The following VPS13C variants were observed in gnomAD, a reference collection of about 807,000 sequenced individuals.
VPS13C encodes vacuolar protein sorting 13 homolog C.
VPS13C carries 358 observed loss-of-function variants against 456.8 expected under a neutral mutation model. The observed-to-expected ratio is 0.78, with a 90% CI of 0.72 to 0.86. The LOEUF (loss-of-function observed/expected upper bound fraction) is 0.86. Ranked by LOEUF, VPS13C falls within the 40% of genes least tolerant of loss-of-function variation. The probability of loss-of-function intolerance (pLI) is 0.00; values close to 1 mark genes in which losing one functional copy is unlikely to be tolerated. For synonymous variants in VPS13C, 1,578 were observed against 1,486.7 expected (o/e 1.06, Z -1.41); for missense variants, 4,818 against 4,385.4 (o/e 1.10, Z -2.79).
Position 61,875,862 on chromosome 15 carries a change from A to C in VPS13C, c.10225-17T>G. The C allele has an allele frequency of 6.7e-7, 1 of 1,502,494 alleles. No individual in the cohort carries two copies. The highest frequency in any genetic ancestry group is 9.0e-7 in the Non-Finnish European group (1 of 1,109,944). The allele number at this position is 1,502,494 out of a possible 1,614,324, so 93.1% of individuals were successfully genotyped here. A position where few individuals can be genotyped will look rare whatever the true frequency, so the allele number is the denominator to read the frequency against. ...TTTCAAGAACTAAAAAAGAAAAAAA[A>C]TTAAATTAAGTCCTTCACAACTATT... On this transcript the variant is annotated splice_polypyrimidine_tract_variant and intron_variant, in intron 75 of 84. Transcript: ENST00000644861.
intron 22 of VPS13C, 95 bp downstream of exon 22, chr15:61,981,247 T>A: frequency 7.3e-7 from 1 of 1,363,044 alleles, no homozygotes; most frequent in Non-Finnish European, 9.8e-7. Context: ...TACATTTAGT[T>A]TAGTGAACTC....
Position 61,858,610 on chromosome 15 carries a change from G to A in VPS13C, c.10953-2201C>T, listed in dbSNP as rs1172307852. ...ATAATGGATTTTACTTCCAAGATTA[G>A]GTTATTATAAGGCACAGGTGACTCT... On this transcript the variant is annotated intron_variant, in intron 82 of 84. Coordinates refer to ENST00000644861, the MANE Select transcript of VPS13C (RefSeq NM_020821.3). The surrounding 1 kb of genome is among the most constrained non-coding windows in gnomAD (Gnocchi z 4.4). 6.6e-6 allele frequency among the ~76,000 whole-genome samples: 1 copy of A among 152,168 alleles called. No individual in the cohort carries two copies.
intron 53 of VPS13C, among the ~76,000 whole-genome samples, chr15:61,923,731 T>C (rs1030054269): frequency 6.7e-6 from 1 of 150,090 alleles, no homozygotes; most frequent in Non-Finnish European, 1.5e-5. Flanking sequence ...GGATCTAGTA[T>C]GTATTGTTTT....
intron 66 of VPS13C, among the ~76,000 whole-genome samples, chr15:61,902,102 G>C (rs2043016591): frequency 7.3e-6 from 1 of 136,314 alleles, no homozygotes; most frequent in Admixed American, 7.8e-5. Context: ...TCACACTCTG[G>C]GGACTGTTGT....
At chr15:61,900,613 T>C (rs1231983613) in intron 66 of VPS13C, among the ~76,000 whole-genome samples, 1,640 of 150,786 alleles carry the variant, frequency 0.011, 36 homozygotes, top group African/African-American at 0.038. Flanking sequence ...TAAAAGAGGA[T>C]ACAAACAAAT....
intron 67 of VPS13C, among the ~76,000 whole-genome samples, chr15:61,884,927 GC>G (rs1896159430): frequency 6.6e-6 from 1 of 151,992 alleles, no homozygotes; most frequent in South Asian, 2.1e-4. Flanking sequence ...CTTGATATTT[GC>G]CTTTTAGTAT....
chr15:62,037,853 T>G (rs1468691093), intron 3 of VPS13C, among the ~76,000 whole-genome samples: 1 of 152,064 alleles, frequency 6.6e-6, no homozygotes, highest in African/African-American at 2.4e-5. Context: ...TGCCTAAAGA[T>G]GCTTTCAATC....
chr15:61,865,065 C>T, intron 81 of VPS13C: 1 of 984,832 alleles, frequency 1.0e-6, no homozygotes, highest in South Asian at 4.7e-5. Flanking sequence ...TAAAAACCCA[C>T]TACACTCTGA....
At chr15:61,950,922 A>G (rs776116492) in intron 40 of VPS13C, 23 bp downstream of exon 40, 2 of 1,495,302 alleles carry the variant, frequency 1.3e-6, no homozygotes, top group South Asian at 2.4e-5. Context: ...ATATTAAAGA[A>G]TCCTAGAAAT....
chr15:61,939,821 C>G (rs1373115911), intron 47 of VPS13C, among the ~76,000 whole-genome samples: 5 of 151,940 alleles, frequency 3.3e-5, no homozygotes, highest in Non-Finnish European at 7.4e-5. Flanking sequence ...CTGGTGAAAC[C>G]CTGTTTCTAC....
At chr15:62,043,175 T>A (rs758959933) in intron 2 of VPS13C, among the ~76,000 whole-genome samples, 21 of 152,140 alleles carry the variant, frequency 1.4e-4, no homozygotes, top group African/African-American at 4.8e-4. Context: ...GAAAAATATT[T>A]AAATTTTTGA....
intron 48 of VPS13C, 37 bp downstream of exon 48, chr15:61,936,560 A>G: frequency 6.7e-7 from 1 of 1,495,802 alleles, no homozygotes; most frequent in Non-Finnish European, 8.9e-7. Flanking sequence ...ATTAACACCA[A>G]TTTTTTCTCC....
chr15:61,854,845 T>A (rs764660485), intron 84 of VPS13C, 26 bp downstream of exon 84: 1 of 1,577,838 alleles, frequency 6.3e-7, no homozygotes, highest in South Asian at 1.2e-5. Context: ...TAAAAAAAAT[T>A]GAGGCATGCT....
At position 61,866,935 on chromosome 15, in the gene VPS13C, T is replaced by C. The variant is rs1894636393; in HGVS notation, c.10863+1724A>G. 5 of 984,616 alleles carry C rather than the reference T, an allele frequency of 5.1e-6. No individual in the cohort carries two copies. In the African/African-American group the frequency reaches 5.2e-5, roughly 10 times the overall value. 61.0% of individuals were successfully genotyped at this position (984,616 alleles called of 1,614,324 possible). A position where few individuals can be genotyped will look rare whatever the true frequency, so the allele number is the denominator to read the frequency against. ...TTGGCTTCATTTCTGAGGAGAAGCA[T>C]GAAAGTTGCTAGATAAGACATTGTT... On this transcript the variant is annotated intron_variant, in intron 81 of 84. Transcript: ENST00000644861.
intron 47 of VPS13C, among the ~76,000 whole-genome samples, chr15:61,937,576 G>A (rs939911391): frequency 2.0e-5 from 3 of 152,144 alleles, no homozygotes; most frequent in South Asian, 4.1e-4. Flanking sequence ...CCAGGTTCAC[G>A]CCATTCTCCT....
Position 62,013,936 on chromosome 15 carries a change from G to C in VPS13C, c.741C>G (p.Tyr247Ter). Reference protein sequence around the residue: ...CILNEADKIIYKLIRLDSLSA... With the variant: ...CILNEADKII ...AATTTTTATTCCAACATAATACCTT[G>C]TATATAATTTTGTCTGCTTCATTTA... Residue 247 changes from tyrosine (Y) to a stop codon, truncating the protein, a stop_gained, in exon 10 of 85, where the codon TAC becomes TAG. Transcript: ENST00000644861. LOFTEE classifies it high-confidence loss of function. 1 of 1,604,818 alleles carries C rather than the reference G, an allele frequency of 6.2e-7. No individual in the cohort carries two copies. Among genetic ancestry groups the C allele is most frequent in the Non-Finnish European group, 8.5e-7 (1 of 1,175,122 alleles).
At chr15:61,882,849 CA>C in intron 68 of VPS13C, 113 bp from the exon 69 acceptor site, 1 of 1,150,916 alleles carries the variant, frequency 8.7e-7, no homozygotes, top group Non-Finnish European at 1.2e-6. Flanking sequence ...TATGTCTCAC[CA>C]ACAGATCTAT....
Position 61,856,531 on chromosome 15 carries a change from TA to T in VPS13C, c.10953-123del, listed in dbSNP as rs3833021. The T allele has an allele frequency of 0.51, 464,486 of 904,084 alleles. 107,087 individuals are homozygous for T. Among genetic ancestry groups the T allele is most frequent in the Admixed American group, 0.62 (16,415 of 26,340 alleles). 56.0% of individuals were successfully genotyped at this position (904,084 alleles called of 1,614,324 possible). ...CTTAGTAAACAATATAAACTGGCACTAAAAAAAAAACCTGCTTCATTTTTTT... is the reference window on the plus strand; with the variant it reads ...CTTAGTAAACAATATAAACTGGCACTAAAAAAAAACCTGCTTCATTTTTTT... On this transcript the variant is annotated intron_variant, in intron 82 of 84. Transcript: ENST00000644861.
intron 2 of VPS13C, among the ~76,000 whole-genome samples, chr15:62,041,674 G>C (rs2048246260): frequency 6.6e-6 from 1 of 151,988 alleles, no homozygotes; most frequent in African/African-American, 2.4e-5. Flanking sequence ...AAAAAAATTA[G>C]CCTGGTGTGG....
Sources: allele counts gnomAD v4.1 joint callset (sites outside exome capture counted in the v4.1 genomes callset), GRCh38; gene constraint gnomAD v4.1.1; non-coding constraint Gnocchi (gnomAD v3.1); transcripts MANE v1.5; gene names NCBI Gene and HGNC (gene_info 2026-07-23, HGNC 2026-07-21).